MXI1: variants seen among roughly 807,000 people sequenced by gnomAD.
MXI1 encodes max-interacting protein 1.
Under a neutral mutation model 36.9 loss-of-function variants are expected in MXI1, and 18 were observed. The observed-to-expected ratio is 0.49, with a 90% CI of 0.34 to 0.72. MXI1 has a LOEUF of 0.72. Among genes scored for constraint, MXI1 ranks in the 30% least tolerant of loss-of-function variants. MXI1 has a pLI of 0.01. For missense variants in MXI1, 304 were observed against 379.1 expected (o/e 0.80, Z 1.64); for synonymous variants, 160 against 146.7 (o/e 1.09, Z -0.65).
At chr10:110,231,986 T>G (rs1590348257) in intron 2 of MXI1, among the ~76,000 whole-genome samples, 2 of 152,006 alleles carry the variant, frequency 1.3e-5, no homozygotes, top group African/African-American at 4.8e-5. Context: ...TTTTTTTTTT[T>G]GTCTGGTTCT....
At chr10:110,284,637 A>G (rs1313234709) in intron 5 of MXI1, among the ~76,000 whole-genome samples, 187 bp from the exon 6 acceptor site, 4 of 152,220 alleles carry the variant, frequency 2.6e-5, no homozygotes, top group Non-Finnish European at 4.4e-5. Context: ...CCACCACTGT[A>G]TATCAGACAT....
At chr10:110,274,459 C>G (rs1340390441) in intron 3 of MXI1, among the ~76,000 whole-genome samples, 8 of 152,024 alleles carry the variant, frequency 5.3e-5, no homozygotes, top group Non-Finnish European at 7.4e-5. Context: ...CAGGGCACTT[C>G]CTGCTGCAGT....
At chr10:110,228,820 T>C (rs3793885) in intron 2 of MXI1, among the ~76,000 whole-genome samples, 1 of 152,148 alleles carries the variant, frequency 6.6e-6, no homozygotes, top group Admixed American at 6.5e-5. Context: ...TTTTGCCTCT[T>C]TAAATGATGA....
chr10:110,268,738 C>A (rs1856762875), intron 3 of MXI1, among the ~76,000 whole-genome samples: 1 of 151,318 alleles, frequency 6.6e-6, no homozygotes, highest in Admixed American at 6.6e-5. Context: ...AACTACTCTT[C>A]AGTTGGGCCC....
At position 110,238,116 on chromosome 10, in the gene MXI1, C is replaced by G. The variant is rs537480954; in HGVS notation, c.408-6712C>G. ...ATTTATGTGTTTACCAACCATGAAACTCACCCAAGTTTCAGGTTCCAGAGT... is the reference window on the plus strand; with the variant it reads ...ATTTATGTGTTTACCAACCATGAAAGTCACCCAAGTTTCAGGTTCCAGAGT... On this transcript the variant is annotated intron_variant, in intron 2 of 5. Coordinates refer to ENST00000332674, the MANE Select transcript of MXI1 (RefSeq NM_130439.3). 1.2e-4 allele frequency among the ~76,000 whole-genome samples: 19 copies of G among 152,256 alleles called. No homozygotes were observed. In the East Asian group the frequency reaches 3.7e-3, roughly 29 times the overall value.
chr10:110,282,265 C>T (rs1157032250), intron 5 of MXI1, among the ~76,000 whole-genome samples: 1 of 149,762 alleles, frequency 6.7e-6, no homozygotes, highest in African/African-American at 2.4e-5. Context: ...TTTGAATGCT[C>T]AAACTGTCCC....
intron 1 of MXI1, among the ~76,000 whole-genome samples, chr10:110,212,447 C>T (rs1340210729): frequency 1.3e-5 from 2 of 152,236 alleles, no homozygotes; most frequent in African/African-American, 4.8e-5. Context: ...GTCTAGAATG[C>T]TTTCATTCTC....
chr10:110,266,324 A>G (rs1967840), intron 3 of MXI1, among the ~76,000 whole-genome samples: 34,217 of 151,928 alleles, frequency 0.23, 4,971 homozygotes, highest in East Asian at 0.62. Context: ...TGGCCAGGCT[A>G]GTCTCGAACT....
chr10:110,286,295 C>T lies in MXI1; in HGVS notation c.*1308C>T, dbSNP rs528051974. 12 of 152,638 alleles carry T rather than the reference C, an allele frequency of 7.9e-5. No individual in the cohort carries two copies. The highest frequency in any genetic ancestry group is 2.9e-4 in the African/African-American group (12 of 41,508). The allele number at this position is 152,638 out of a possible 1,614,324, so 9.5% of individuals were successfully genotyped here. A position where few individuals can be genotyped will look rare whatever the true frequency, so the allele number is the denominator to read the frequency against. On this transcript the variant is annotated 3_prime_UTR_variant, in exon 6 of 6. Transcript: ENST00000332674. The stretch of plus-strand genomic sequence containing the variant: ...TGTGCAGGTGCTATTGTTACTCTTA[C>T]GAATATTTTCAGTAATGTTATTTTC...
intron 3 of MXI1, among the ~76,000 whole-genome samples, chr10:110,253,872 C>T (rs1389666451): frequency 6.6e-6 from 1 of 152,068 alleles, no homozygotes; most frequent in African/African-American, 2.4e-5. Context: ...GCATTAATGA[C>T]AAACCCACAG....
intron 1 of MXI1, among the ~76,000 whole-genome samples, chr10:110,216,682 T>TG (rs1431697203): frequency 1.1e-5 from 1 of 87,572 alleles, no homozygotes; most frequent in Non-Finnish European, 2.0e-5. Context: ...TTTTTTTTTT[T>TG]TTTGGAGACA....
chr10:110,279,007 A>G (rs1251658130), intron 3 of MXI1, among the ~76,000 whole-genome samples, 173 bp from the exon 4 acceptor site: 1 of 152,214 alleles, frequency 6.6e-6, no homozygotes, highest in African/African-American at 2.4e-5. Flanking sequence ...CAACAGAAAT[A>G]GCAGAGACTG....
intron 3 of MXI1, among the ~76,000 whole-genome samples, chr10:110,246,977 A>G (rs960704200): frequency 6.6e-6 from 1 of 152,194 alleles, no homozygotes; most frequent in African/African-American, 2.4e-5. Context: ...TTTTGGGCCC[A>G]TGGATTAAAT....
At chr10:110,261,406 T>C (rs562906473) in intron 3 of MXI1, among the ~76,000 whole-genome samples, 1 of 151,366 alleles carries the variant, frequency 6.6e-6, no homozygotes, top group East Asian at 1.9e-4. Flanking sequence ...CCTGTAGCAT[T>C]TATCATAATG....
intron 1 of MXI1, among the ~76,000 whole-genome samples, chr10:110,209,950 G>C (rs1854467104): frequency 6.9e-6 from 1 of 144,796 alleles, no homozygotes; most frequent in Non-Finnish European, 1.5e-5. Flanking sequence ...TCACCAGCGA[G>C]GTGTATGGAG....
intron 3 of MXI1, among the ~76,000 whole-genome samples, chr10:110,275,463 A>G (rs1265063898): frequency 1.3e-5 from 2 of 152,234 alleles, no homozygotes; most frequent in Admixed American, 6.5e-5. Context: ...ATTTTGCCAT[A>G]CAATTGCTGT....
chr10:110,249,858 G>A (rs1856010562), intron 3 of MXI1, among the ~76,000 whole-genome samples: 1 of 152,162 alleles, frequency 6.6e-6, no homozygotes, highest in Non-Finnish European at 1.5e-5. Context: ...AGCAAATGCA[G>A]TGAGATTTGG....
chr10:110,265,806 A>G (rs1856659969), intron 3 of MXI1, among the ~76,000 whole-genome samples: 1 of 152,204 alleles, frequency 6.6e-6, no homozygotes. Context: ...CTGCTTAGAC[A>G]TGAGTGGTTA....
chr10:110,278,730 CCA>C (rs1857130906), intron 3 of MXI1, among the ~76,000 whole-genome samples: 1 of 143,930 alleles, frequency 6.9e-6, no homozygotes, highest in Admixed American at 6.9e-5. Context: ...GTGTGTGTGC[CCA>C]CACACGTGCA....
Sources: gnomAD v4.1 joint callset for allele counts (sites outside exome capture counted in the v4.1 genomes callset) on GRCh38, gnomAD v4.1.1 for gene constraint, MANE v1.5 for transcripts, NCBI Gene and HGNC (gene_info 2026-07-23, HGNC 2026-07-21) for gene names.